The following TEAD1 variants were observed in gnomAD, a reference collection of about 807,000 sequenced individuals.
TEAD1 encodes TEA domain transcription factor 1, also known as transcriptional enhancer factor TEF-1.
In TEAD1, 9 loss-of-function variants were observed where a neutral mutation model predicts 54.9. The observed-to-expected ratio is 0.16, with a 90% CI of 0.10 to 0.29. The LOEUF (loss-of-function observed/expected upper bound fraction) is 0.29, where lower values mean the gene tolerates loss of function less well. TEAD1 is among the 10% of genes least tolerant of loss of function. The pLI is 1.00. For synonymous variants in TEAD1, 200 were observed against 187.8 expected (o/e 1.07, Z -0.53); for missense variants, 387 against 535.9 (o/e 0.72, Z 2.74).
chr11:12,930,106 A>C, intron 11 of TEAD1, 68 bp from the exon 12 acceptor site: 1 of 1,583,366 alleles, frequency 6.3e-7, no homozygotes, highest in Non-Finnish European at 8.7e-7. Context: ...TTTTATGGGC[A>C]GTAATATCTG....
Position 12,764,171 on chromosome 11 carries a change from T to C in TEAD1, c.-54-8T>C, listed in dbSNP as rs72858140. The C allele has an allele frequency of 0.061, 95,312 of 1,562,828 alleles. 3,299 individuals are homozygous for C. The highest frequency in any genetic ancestry group is 0.072 in the Non-Finnish European group (82,884 of 1,157,656). ...CATCCTTATACTGTTTTTGGTTTTC[T>C]CTTCTAGGTTTATTTTCTTGAAAAG... On this transcript the variant is annotated splice_region_variant and splice_polypyrimidine_tract_variant and intron_variant, in intron 2 of 12. Coordinates refer to ENST00000527636, the MANE Select transcript of TEAD1 (RefSeq NM_021961.6).
chr11:12,841,915 G>A (rs1248979770), intron 3 of TEAD1, among the ~76,000 whole-genome samples: 7 of 152,136 alleles, frequency 4.6e-5, no homozygotes, highest in African/African-American at 1.7e-4. Context: ...ATATGAAATA[G>A]TCTGGGAAGG....
intron 3 of TEAD1, among the ~76,000 whole-genome samples, chr11:12,851,798 A>T (rs1385326379): frequency 6.7e-6 from 1 of 148,636 alleles, no homozygotes; most frequent in Non-Finnish European, 1.5e-5. Flanking sequence ...CATCTCCAAA[A>T]AAAGGAAAAA....
chr11:12,864,457 G>T (rs1346716787), intron 4 of TEAD1, among the ~76,000 whole-genome samples: 1 of 152,160 alleles, frequency 6.6e-6, no homozygotes, highest in African/African-American at 2.4e-5. Flanking sequence ...AGTCACTGCA[G>T]TGATGACCCA....
At chr11:12,880,888 G>A (rs945211189) in intron 6 of TEAD1, 117 bp from the exon 7 acceptor site, 48 of 1,177,104 alleles carry the variant, frequency 4.1e-5, no homozygotes, top group Middle Eastern at 1.9e-4. Context: ...CTGGGAAAGC[G>A]ATTCTGTTGG....
Position 12,930,153 on chromosome 11 carries a change from GA to G in TEAD1, c.1015-18del, listed in dbSNP as rs778534916. The G allele has an allele frequency of 4.3e-5, 70 of 1,614,092 alleles. 1 individual carries two copies. The South Asian group carries it at 7.7e-4, about 18-fold the overall frequency. On this transcript the variant is annotated intron_variant, in intron 11 of 12. Transcript: ENST00000527636. ...TTGGAGTCAAAAGTGTAAAAATACT[GA>G]AATCCTTTTTTCCTCACAGACGGAG... is the stretch of plus-strand genomic sequence containing the variant.
At chr11:12,921,765 C>T (rs892776416) in intron 10 of TEAD1, among the ~76,000 whole-genome samples, 40 of 151,856 alleles carry the variant, frequency 2.6e-4, no homozygotes, top group African/African-American at 9.4e-4. Flanking sequence ...GTATGGTAGC[C>T]CCTCTGCCCT....
chr11:12,923,129 T>A (rs1414386979), intron 10 of TEAD1, among the ~76,000 whole-genome samples: 1 of 152,064 alleles, frequency 6.6e-6, no homozygotes, highest in East Asian at 1.9e-4. Context: ...CGAGCCATGG[T>A]CAGAGGTGCC....
intron 10 of TEAD1, among the ~76,000 whole-genome samples, chr11:12,907,359 G>A (rs1589978787): frequency 6.6e-6 from 1 of 152,286 alleles, no homozygotes; most frequent in East Asian, 1.9e-4. Flanking sequence ...CAGCAGTAGG[G>A]AGCAGTCGGT....
intron 9 of TEAD1, among the ~76,000 whole-genome samples, chr11:12,888,131 A>G (rs535071975): frequency 6.6e-6 from 1 of 152,148 alleles, no homozygotes; most frequent in Non-Finnish European, 1.5e-5. Context: ...ATTCCCTTCT[A>G]CAGAAGAGGC....
At chr11:12,922,573 A>G (rs1034931937) in intron 10 of TEAD1, 1 of 152,180 alleles carries the variant, frequency 6.6e-6, no homozygotes, top group African/African-American at 2.4e-5. Flanking sequence ...ATTTTAAAGT[A>G]TATGATGACT....
At chr11:12,856,792 A>G (rs1589929669) in intron 3 of TEAD1, among the ~76,000 whole-genome samples, 1 of 152,180 alleles carries the variant, frequency 6.6e-6, no homozygotes, top group Non-Finnish European at 1.5e-5. Flanking sequence ...TCCTAGGCCC[A>G]GGGCAGTCCA....
chr11:12,751,463 A>G (rs1266581526), intron 2 of TEAD1, among the ~76,000 whole-genome samples: 1 of 152,144 alleles, frequency 6.6e-6, no homozygotes, highest in Non-Finnish European at 1.5e-5. Context: ...GAGTGGGGAA[A>G]GGCCAGGTCA....
chr11:12,896,416 A>G (rs1309455095), intron 9 of TEAD1, among the ~76,000 whole-genome samples: 3 of 152,134 alleles, frequency 2.0e-5, no homozygotes, highest in East Asian at 3.9e-4. Context: ...ATACCCTCCT[A>G]TAGCTCCCTG....
At position 12,730,416 on chromosome 11, in the gene TEAD1, G is replaced by GTTT. The variant is rs59731479; in HGVS notation, c.-54-33739_-54-33737dup. Among the ~76,000 whole-genome samples the GTTT allele has an allele frequency of 1.8e-3, 108 of 60,238 alleles. 10 individuals carry two copies. Among genetic ancestry groups the GTTT allele is most frequent in the Middle Eastern group, 0.019 (1 of 52 alleles). The allele number at this position is 60,238 out of a possible 152,430, so 39.5% of individuals were successfully genotyped here. On this transcript the variant is annotated intron_variant, in intron 2 of 12. Transcript: ENST00000527636. ...TGAAACTTTTGATTCCCAGTTGAGT[G>GTTT]TTTTTTTTTTTTTTTTTTTTTTTTT...
chr11:12,717,113 G>A (rs1056481661), intron 2 of TEAD1, among the ~76,000 whole-genome samples: 1 of 152,184 alleles, frequency 6.6e-6, no homozygotes, highest in African/African-American at 2.4e-5. Flanking sequence ...GTCAAGTCTG[G>A]CCATGGAATG....
chr11:12,779,658 T>TA (rs1945504373), intron 3 of TEAD1, among the ~76,000 whole-genome samples: 1 of 152,170 alleles, frequency 6.6e-6, no homozygotes, highest in Non-Finnish European at 1.5e-5. Context: ...TAATATCCCT[T>TA]ATGAATATAG....
chr11:12,685,464 G>C (rs1318420854), intron 2 of TEAD1, among the ~76,000 whole-genome samples: 5 of 152,130 alleles, frequency 3.3e-5, no homozygotes, highest in African/African-American at 1.2e-4. Flanking sequence ...TCACCACACA[G>C]AACAGCATCT....
chr11:12,909,591 A>G (rs2134139471), intron 10 of TEAD1, among the ~76,000 whole-genome samples: 1 of 152,286 alleles, frequency 6.6e-6, no homozygotes, highest in African/African-American at 2.4e-5. Context: ...ACCATGGCAC[A>G]CGTATACCTA....
Sources: gnomAD v4.1 joint callset for allele counts (sites outside exome capture counted in the v4.1 genomes callset) on GRCh38, gnomAD v4.1.1 for gene constraint, MANE v1.5 for transcripts, NCBI Gene and HGNC (gene_info 2026-07-23, HGNC 2026-07-21) for gene names.